Variants in CA5A observed in about 807,000 individuals in gnomAD.
CA5A encodes the protein carbonic anhydrase 5A, mitochondrial.
CA5A carries 28 observed loss-of-function variants against 37.1 expected under a neutral mutation model. The observed-to-expected ratio is 0.75, with a 90% CI of 0.56 to 1.03. CA5A has a LOEUF of 1.03. Ranked by LOEUF, CA5A falls within the 50% of genes least tolerant of loss-of-function variation. The pLI is 0.00. For synonymous variants in CA5A, 171 were observed against 158.4 expected, an observed-to-expected ratio of 1.08 and a Z score of -0.60; for missense variants, 444 against 399.9, an observed-to-expected ratio of 1.11 and a Z score of -0.94.
chr16:87,934,820 C>A (rs984164538), intron 1 of CA5A, among the ~76,000 whole-genome samples: 1 of 151,762 alleles, frequency 6.6e-6, no homozygotes, highest in Non-Finnish European at 1.5e-5. Flanking sequence ...ATTAGTTGGG[C>A]GTGGTGGCAC....
intron 2 of CA5A, among the ~76,000 whole-genome samples, chr16:87,920,925 T>C (rs757731674): frequency 2.6e-5 from 4 of 152,064 alleles, no homozygotes; most frequent in Admixed American, 6.5e-5. Flanking sequence ...TTCCAAGTAG[T>C]TGGGATTACA....
chr16:87,922,781 C>T lies in CA5A; in HGVS notation c.340+3967G>A, dbSNP rs144512389. 1.7e-3 allele frequency among the ~76,000 whole-genome samples: 266 copies of T among 152,360 alleles called. 1 individual carries two copies. Among genetic ancestry groups the T allele is most frequent in the African/African-American group, 6.2e-3 (257 of 41,584 alleles). On this transcript the variant is annotated intron_variant, in intron 2 of 6. Transcript: ENST00000649794. ...ATGGAGGTCAGCTCCTGATGGCCTCCTGCTGGATTTTGTGAATGTTGGATG... is the reference window on the plus strand; with the variant it reads ...ATGGAGGTCAGCTCCTGATGGCCTCTTGCTGGATTTTGTGAATGTTGGATG...
intron 2 of CA5A, among the ~76,000 whole-genome samples, chr16:87,912,464 C>T (rs893837033): frequency 3.9e-5 from 6 of 152,214 alleles, no homozygotes; most frequent in African/African-American, 1.2e-4. Context: ...CTTAAGAACA[C>T]GTCCATAAGA....
chr16:87,926,823 C>T lies in CA5A; in HGVS notation c.265G>A (p.Ala89Thr), dbSNP rs770654798. ...TTCCAGATGTACAGGCAGGATGCCG[C>T]TTCATAGGAGACCCTGAGTGGCTTC... ...QLKPLRVSYE[A>T]ASCLYIWNTG... Residue 89 changes from alanine (A) to threonine (T), a missense_variant, in exon 2 of 7, where the codon GCG (alanine) becomes ACG (threonine). Coordinates refer to ENST00000649794, the MANE Select transcript of CA5A (RefSeq NM_001739.2). 1.2e-6 allele frequency: 2 copies of T among 1,614,202 alleles called. No individual in the cohort carries two copies. The highest frequency in any genetic ancestry group is 1.6e-4 in the Middle Eastern group (1 of 6,062).
intron 2 of CA5A, among the ~76,000 whole-genome samples, 156 bp from the exon 3 acceptor site, chr16:87,905,060 G>A (rs184520413): frequency 6.6e-6 from 1 of 152,124 alleles, no homozygotes; most frequent in African/African-American, 2.4e-5. Flanking sequence ...TCCGTGAAAG[G>A]TGGGCTCTGT....
chr16:87,904,492 AG>A (rs2055928386), intron 3 of CA5A, among the ~76,000 whole-genome samples: 1 of 152,238 alleles, frequency 6.6e-6, no homozygotes, highest in South Asian at 2.1e-4. Context: ...AGTGCGGCAA[AG>A]AGCTCAAGCT....
intron 4 of CA5A, 93 bp from the exon 5 acceptor site, chr16:87,902,067 T>C: frequency 8.5e-7 from 1 of 1,173,838 alleles, no homozygotes; most frequent in Non-Finnish European, 1.3e-6. Context: ...TTAAAAGCAA[T>C]CCTAGGCCAG....
intron 1 of CA5A, among the ~76,000 whole-genome samples, chr16:87,929,745 G>T (rs539170872): frequency 2.6e-5 from 4 of 151,612 alleles, no homozygotes; most frequent in Non-Finnish European, 4.4e-5. Flanking sequence ...GGTGGCGGGC[G>T]CCTGTAGTCC....
downstream of CA5A, chr16:87,884,675 A>C (rs1210734972): frequency 1.3e-5 from 2 of 152,288 alleles, no homozygotes; most frequent in African/African-American, 4.8e-5. Context: ...CAGAGGTTGC[A>C]GTGAGCTGAG....
At chr16:87,884,837 C>G (rs1293108937), downstream of CA5A, 4 of 152,144 alleles carry the variant, frequency 2.6e-5, no homozygotes, top group Admixed American at 6.6e-5. Flanking sequence ...CACCTATTGG[C>G]TTGTGTAACT....
chr16:87,924,187 T>C lies in CA5A; in HGVS notation c.340+2561A>G, dbSNP rs146549881. 35 of 985,452 alleles carry C rather than the reference T, an allele frequency of 3.6e-5. No homozygotes were observed. In the African/African-American group the frequency reaches 3.7e-4, roughly 10 times the overall value. The allele number at this position is 985,452 out of a possible 1,614,324, so 61.0% of individuals were successfully genotyped here. A position where few individuals can be genotyped will look rare whatever the true frequency, so the allele number is the denominator to read the frequency against. ...GAGCTGGTCTTGTCCTTCCAAGAAGTTGCACTTTGCTTACGTTGGCTGGAG... is the reference window on the plus strand; with the variant it reads ...GAGCTGGTCTTGTCCTTCCAAGAAGCTGCACTTTGCTTACGTTGGCTGGAG... On this transcript the variant is annotated intron_variant, in intron 2 of 6. Transcript: ENST00000649794.
chr16:87,883,913 A>C (rs1282059986), downstream of CA5A: 3 of 151,054 alleles, frequency 2.0e-5, no homozygotes, highest in Non-Finnish European at 4.4e-5. Flanking sequence ...AAGTGCTGGG[A>C]TTGCAGGCGT....
intron 1 of CA5A, among the ~76,000 whole-genome samples, chr16:87,929,675 A>T (rs147753023): frequency 6.6e-6 from 1 of 151,506 alleles, no homozygotes; most frequent in Non-Finnish European, 1.5e-5. Flanking sequence ...GATCGAGACC[A>T]TCCTGGCTAA....
At chr16:87,903,647 G>C (rs554743708) in intron 3 of CA5A, among the ~76,000 whole-genome samples, 1 of 152,182 alleles carries the variant, frequency 6.6e-6, no homozygotes, top group Non-Finnish European at 1.5e-5. Context: ...TCACCTCTGG[G>C]TGTGAGATTA....
chr16:87,923,731 C>G, intron 2 of CA5A: 3 of 985,026 alleles, frequency 3.0e-6, no homozygotes, highest in Non-Finnish European at 3.6e-6. Flanking sequence ...AAAGTTTATA[C>G]TTTACGACTT....
chr16:87,894,463 G>A (rs1245845412), intron 5 of CA5A, among the ~76,000 whole-genome samples: 3 of 152,090 alleles, frequency 2.0e-5, no homozygotes, highest in Non-Finnish European at 2.9e-5. Context: ...GAGGGTCAGG[G>A]TCAAGAGAGG....
At chr16:87,895,231 C>T (rs934324425) in intron 5 of CA5A, among the ~76,000 whole-genome samples, 12 of 152,026 alleles carry the variant, frequency 7.9e-5, no homozygotes, top group Admixed American at 2.0e-4. Flanking sequence ...GCCTCGGTGA[C>T]GGAGTGAGAT....
chr16:87,934,682 G>C (rs2056447797), intron 1 of CA5A, among the ~76,000 whole-genome samples: 2 of 152,144 alleles, frequency 1.3e-5, no homozygotes, highest in African/African-American at 4.8e-5. Context: ...AAAGGGGGGT[G>C]GGTGCAGTGG....
intron 2 of CA5A, among the ~76,000 whole-genome samples, chr16:87,912,938 C>T (rs1429969941): frequency 1.3e-5 from 2 of 151,534 alleles, no homozygotes; most frequent in African/African-American, 2.4e-5. Flanking sequence ...ACAGGGTCGG[C>T]GCCGGTGGTG....
Sources: gnomAD v4.1 joint callset for allele counts (sites outside exome capture counted in the v4.1 genomes callset) on GRCh38, gnomAD v4.1.1 for gene constraint, MANE v1.5 for transcripts, NCBI Gene and HGNC (gene_info 2026-07-23, HGNC 2026-07-21) for gene names.